AUTS2: variants seen among roughly 807,000 people sequenced by gnomAD.
AUTS2 encodes the protein activator of transcription and developmental regulator AUTS2.
In AUTS2, 17 loss-of-function variants were observed where a neutral mutation model predicts 112.4. That is an observed-to-expected ratio of 0.15 (90% CI 0.10 to 0.23). The LOEUF is 0.23. Ranked by LOEUF, AUTS2 falls within the 10% of genes least tolerant of loss-of-function variation. AUTS2 has a pLI of 1.00. For missense variants in AUTS2, 1,510 were observed against 1,701.6 expected, an observed-to-expected ratio of 0.89 and a Z score of 1.98; for synonymous variants, 751 against 702.7, an observed-to-expected ratio of 1.07 and a Z score of -1.09.
At chr7:70,195,237 T>C (rs1810111488) in intron 4 of AUTS2, among the ~76,000 whole-genome samples, 1 of 152,188 alleles carries the variant, frequency 6.6e-6, no homozygotes, top group African/African-American at 2.4e-5. Flanking sequence ...TGTCACAAAT[T>C]ATGTCTGTCT....
At chr7:70,364,169 G>T (rs185987890) in intron 4 of AUTS2, among the ~76,000 whole-genome samples, 2 of 152,106 alleles carry the variant, frequency 1.3e-5, no homozygotes. Context: ...AGGGAGACTG[G>T]CTTACTAAAA....
intron 1 of AUTS2, among the ~76,000 whole-genome samples, chr7:69,889,475 A>G (rs772445855): frequency 3.3e-5 from 5 of 152,144 alleles, no homozygotes; most frequent in Non-Finnish European, 7.3e-5. Flanking sequence ...CCACACCCTC[A>G]CTGACAAGTA....
chr7:70,745,565 G>C (rs191674363), intron 6 of AUTS2, among the ~76,000 whole-genome samples: 2 of 152,278 alleles, frequency 1.3e-5, no homozygotes, highest in East Asian at 3.9e-4. Context: ...GCACATAAAA[G>C]TGTGTTTGTC....
intron 4 of AUTS2, among the ~76,000 whole-genome samples, chr7:70,257,210 A>T (rs1786922065): frequency 6.6e-6 from 1 of 152,130 alleles, no homozygotes; most frequent in South Asian, 2.1e-4. Context: ...GCATAATCAT[A>T]ACTCATTGCA....
chr7:69,892,118 GA>G (rs35735417), intron 1 of AUTS2, among the ~76,000 whole-genome samples: 36,712 of 149,534 alleles, frequency 0.25, 4,484 homozygotes, highest in Middle Eastern at 0.33. Flanking sequence ...CAAAGTATCT[GA>G]ATCTTTTGCT....
chr7:69,808,593 A>G (rs1468520259), intron 1 of AUTS2, among the ~76,000 whole-genome samples: 1 of 152,146 alleles, frequency 6.6e-6, no homozygotes, highest in Non-Finnish European at 1.5e-5. Context: ...CTCAGACTGC[A>G]TTTTATCTGG....
At chr7:70,561,310 A>C (rs916623465) in intron 5 of AUTS2, among the ~76,000 whole-genome samples, 3 of 152,190 alleles carry the variant, frequency 2.0e-5, no homozygotes, top group African/African-American at 4.8e-5. Flanking sequence ...CAAGTAATAG[A>C]ATGCCTCATC....
At chr7:69,921,472 G>C (rs534491481) in intron 2 of AUTS2, among the ~76,000 whole-genome samples, 1 of 151,578 alleles carries the variant, frequency 6.6e-6, no homozygotes, top group Non-Finnish European at 1.5e-5. Flanking sequence ...ATGCTATTAA[G>C]ATTAGTAAAC....
intron 5 of AUTS2, among the ~76,000 whole-genome samples, chr7:70,693,680 C>G (rs935885370): frequency 1.3e-5 from 2 of 152,368 alleles, no homozygotes; most frequent in South Asian, 4.1e-4. Flanking sequence ...ACTGAGCCCT[C>G]ACAACCGCCC....
In AUTS2 at chr7:70,501,684, A is replaced by G. The variant is rs145412436; in HGVS notation, c.690+65903A>G. The stretch of plus-strand genomic sequence containing the variant: ...AGACATGCAGACATGCTCCAGTGTC[A>G]TGAACCTCCCCCTCAACAGCTCCTT... On this transcript the variant is annotated intron_variant, in intron 5 of 18. Coordinates refer to ENST00000342771, the MANE Select transcript of AUTS2 (RefSeq NM_015570.4). Among the ~76,000 whole-genome samples, 52 of 152,196 alleles carry G rather than the reference A, an allele frequency of 3.4e-4. No homozygotes were observed. In the East Asian group the frequency reaches 8.1e-3, roughly 24 times the overall value.
chr7:70,500,702 A>G (rs1798736894), intron 5 of AUTS2, among the ~76,000 whole-genome samples: 1 of 152,088 alleles, frequency 6.6e-6, no homozygotes, highest in South Asian at 2.1e-4. Flanking sequence ...CAGGCACAAA[A>G]TAATGGGTTG....
intron 2 of AUTS2, among the ~76,000 whole-genome samples, chr7:69,994,251 T>G (rs1442493676): frequency 2.0e-5 from 3 of 152,122 alleles, no homozygotes; most frequent in African/African-American, 4.8e-5. Context: ...GTGTATTAAA[T>G]TGGTTTTCTA....
intron 4 of AUTS2, among the ~76,000 whole-genome samples, chr7:70,321,846 A>G (rs1790269941): frequency 6.6e-6 from 1 of 152,198 alleles, no homozygotes; most frequent in South Asian, 2.1e-4. Flanking sequence ...ATAGTACCCT[A>G]TAGTTTATGA....
intron 4 of AUTS2, among the ~76,000 whole-genome samples, chr7:70,213,386 T>TGCA (rs1375700400): frequency 6.9e-6 from 1 of 145,952 alleles, no homozygotes; most frequent in Non-Finnish European, 1.5e-5. Context: ...AAAAGCCAAG[T>TGCA]GCAGCAGCAT....
intron 5 of AUTS2, among the ~76,000 whole-genome samples, chr7:70,644,886 A>G (rs535973462): frequency 1.3e-5 from 2 of 152,306 alleles, no homozygotes; most frequent in African/African-American, 4.8e-5. Context: ...AGGATGGCCC[A>G]GAAGTGTTTC....
At chr7:70,376,950 T>C (rs1451561687) in intron 4 of AUTS2, among the ~76,000 whole-genome samples, 1 of 151,830 alleles carries the variant, frequency 6.6e-6, no homozygotes, top group Non-Finnish European at 1.5e-5. Flanking sequence ...GTCAATGATC[T>C]GACCCAAGAC....
At chr7:70,768,164 T>C in intron 10 of AUTS2, 96 bp downstream of exon 10, 5 of 1,233,688 alleles carry the variant, frequency 4.1e-6, no homozygotes, top group Non-Finnish European at 5.7e-6. Flanking sequence ...CCTTCCTTAA[T>C]CATCTTTGCA....
chr7:70,013,710 T>C (rs965878861), intron 2 of AUTS2, among the ~76,000 whole-genome samples: 28 of 152,170 alleles, frequency 1.8e-4, no homozygotes, highest in Non-Finnish European at 1.5e-4. Context: ...CCGTTACTTA[T>C]TCAGCAGGTT....
chr7:70,240,231 G>A (rs1045869353), intron 4 of AUTS2, among the ~76,000 whole-genome samples: 1 of 152,194 alleles, frequency 6.6e-6, no homozygotes, highest in Non-Finnish European at 1.5e-5. Context: ...CAGAGCCCTG[G>A]CTACAATTGA....
Sources: allele counts gnomAD v4.1 joint callset (sites outside exome capture counted in the v4.1 genomes callset), GRCh38; gene constraint gnomAD v4.1.1; transcripts MANE v1.5; gene names NCBI Gene and HGNC (gene_info 2026-07-23, HGNC 2026-07-21).